The following PPP4R1 variants were observed in gnomAD, a reference collection of about 807,000 sequenced individuals.
PPP4R1 encodes the protein serine/threonine-protein phosphatase 4 regulatory subunit 1.
PPP4R1 carries 42 observed loss-of-function variants against 111.2 expected under a neutral mutation model. That is an observed-to-expected ratio of 0.38 (90% CI 0.29 to 0.49). The LOEUF (loss-of-function observed/expected upper bound fraction) is 0.49. Among genes scored for constraint, PPP4R1 ranks in the 20% least tolerant of loss-of-function variants. PPP4R1 has a pLI of 0.97. For missense variants in PPP4R1, 1,012 were observed against 1,161.6 expected (o/e 0.87, Z 1.87); for synonymous variants, 409 against 405.5 (o/e 1.01, Z -0.10).
At chr18:9,563,606 C>T in intron 11 of PPP4R1, 56 bp from the exon 12 acceptor site, 2 of 1,430,562 alleles carry the variant, frequency 1.4e-6, no homozygotes, top group African/African-American at 1.4e-5. Flanking sequence ...AATATTCTTA[C>T]AAGGCTGTTC....
At chr18:9,602,924 A>G (rs2067415799) in intron 2 of PPP4R1, among the ~76,000 whole-genome samples, 1 of 152,304 alleles carries the variant, frequency 6.6e-6, no homozygotes, top group South Asian at 2.1e-4. Flanking sequence ...TTCAAATCCC[A>G]TTTTGTCACT....
chr18:9,551,737 A>G (rs1568082176), intron 16 of PPP4R1: 2 of 152,262 alleles, frequency 1.3e-5, no homozygotes, highest in African/African-American at 4.8e-5. Context: ...AATGCTCCTT[A>G]TTCCAGGAGG....
chr18:9,564,065 A>G (rs772968252), intron 11 of PPP4R1, among the ~76,000 whole-genome samples: 2 of 152,170 alleles, frequency 1.3e-5, no homozygotes, highest in Non-Finnish European at 2.9e-5. Flanking sequence ...TGAGAATTGC[A>G]TCTTCTCCCA....
chr18:9,590,242 A>G lies in PPP4R1; in HGVS notation c.296-1389T>C, dbSNP rs144692620. On this transcript the variant is annotated intron_variant, in intron 4 of 19. Coordinates refer to ENST00000400556, the MANE Select transcript of PPP4R1 (RefSeq NM_001042388.3). The stretch of plus-strand genomic sequence containing the variant: ...ATTTCAGATATCAACAGAGAAATTA[A>G]CATACCTTTAAGTAGATAATACTGT... 3.3e-5 allele frequency: 5 copies of G among 152,348 alleles called. No individual in the cohort carries two copies. The East Asian group carries it at 9.6e-4, about 29-fold the overall frequency. 9.4% of individuals were successfully genotyped at this position (152,348 alleles called of 1,614,324 possible).
At position 9,559,416 on chromosome 18, in the gene PPP4R1, C is replaced by T; in HGVS notation, c.2028+3G>A. On this transcript the variant is annotated splice_donor_region_variant and intron_variant, in intron 14 of 19. Coordinates refer to ENST00000400556, the MANE Select transcript of PPP4R1 (RefSeq NM_001042388.3). Reference sequence around the variant, plus strand: ...CTGCTAATTCTTTAACTGCTTTACTCACCTGCATGTCTGAGGCCAGAGTCT... The same window carrying T: ...CTGCTAATTCTTTAACTGCTTTACTTACCTGCATGTCTGAGGCCAGAGTCT... 6.2e-7 allele frequency: 1 copy of T among 1,605,142 alleles called. No individual in the cohort carries two copies. Among genetic ancestry groups the T allele is most frequent in the Admixed American group, 1.7e-5 (1 of 59,154 alleles).
rs887431365 is a variant in PPP4R1 at position 9,558,223 on chromosome 18, G to A, written c.2029-841C>T. Reference sequence around the variant, plus strand: ...ATCCACTCTTGAAATAAAATTTTACGCCCAAGTTCAACATATAAGACAGAT... The same window carrying A: ...ATCCACTCTTGAAATAAAATTTTACACCCAAGTTCAACATATAAGACAGAT... On this transcript the variant is annotated intron_variant, in intron 14 of 19. Coordinates refer to ENST00000400556, the MANE Select transcript of PPP4R1 (RefSeq NM_001042388.3). Among the ~76,000 whole-genome samples, 6 of 151,914 alleles carry A rather than the reference G, an allele frequency of 3.9e-5. No homozygotes were observed. In the South Asian group the frequency reaches 6.2e-4, roughly 16 times the overall value.
intron 4 of PPP4R1, among the ~76,000 whole-genome samples, chr18:9,590,550 C>T (rs561155352): frequency 3.9e-4 from 59 of 152,226 alleles, no homozygotes; most frequent in South Asian, 6.2e-4. Context: ...TTCAAAGCCC[C>T]GCTTAGGCAA....
rs1568100469 is a variant in PPP4R1 at position 9,570,689 on chromosome 18, AT to A, written c.1047-7del. The A allele has an allele frequency of 6.6e-7, 1 of 1,522,440 alleles. No individual in the cohort carries two copies. Among genetic ancestry groups the A allele is most frequent in the Non-Finnish European group, 8.8e-7 (1 of 1,139,750 alleles). 94.3% of individuals were successfully genotyped at this position (1,522,440 alleles called of 1,614,324 possible). The stretch of plus-strand genomic sequence containing the variant: ...GGGCTTCTTGATCTCTGGTCCTTTT[AT>A]TGTTTTATTTGGTGGGAAAAAAACA... On this transcript the variant is annotated splice_polypyrimidine_tract_variant and splice_region_variant and intron_variant, in intron 10 of 19. Transcript: ENST00000400556.
At chr18:9,551,744 G>C (rs771055355) in intron 16 of PPP4R1, 3 of 152,248 alleles carry the variant, frequency 2.0e-5, no homozygotes, top group African/African-American at 7.2e-5. Flanking sequence ...CTTATTCCAG[G>C]AGGAGCTGTA....
intron 12 of PPP4R1, chr18:9,563,138 G>A: frequency 1.7e-6 from 2 of 1,191,952 alleles, no homozygotes; most frequent in Non-Finnish European, 2.1e-6. Context: ...CATTAACATT[G>A]AGTCTACTAA....
chr18:9,599,615 C>T (rs548071072), intron 2 of PPP4R1: 2 of 152,300 alleles, frequency 1.3e-5, no homozygotes, highest in South Asian at 4.1e-4. Flanking sequence ...ATTCTGTCTA[C>T]AATTCATAGC....
intron 12 of PPP4R1, 104 bp downstream of exon 12, chr18:9,563,274 A>C (rs1386678145): frequency 7.4e-6 from 10 of 1,350,918 alleles, no homozygotes; most frequent in Non-Finnish European, 8.9e-6. Flanking sequence ...ATCAGCAACA[A>C]ACAGAACATA....
At chr18:9,570,796 C>G (rs541785121) in intron 10 of PPP4R1, 113 bp from the exon 11 acceptor site, 14 of 1,151,748 alleles carry the variant, frequency 1.2e-5, no homozygotes, top group African/African-American at 1.6e-5. Flanking sequence ...TTAAAAATTA[C>G]GGATTATCTG....
chr18:9,577,126 T>C lies in PPP4R1; in HGVS notation c.984A>G (p.Ser328=). The change falls in exon 10 of 20, where the codon TCA becomes TCG. Residue 328 remains serine, a synonymous_variant. Transcript: ENST00000400556. ...FISTFANPSS[S]GQYFKEESKS... ...TGCTTTCTTCTTTAAAATACTGGCC[T>C]GAGCTAGATGGATTAGCAAAAGTAG... 1 of 1,605,306 alleles carries C rather than the reference T, an allele frequency of 6.2e-7. No individual in the cohort carries two copies. Among genetic ancestry groups the C allele is most frequent in the Non-Finnish European group, 8.5e-7 (1 of 1,173,916 alleles).
At chr18:9,561,592 C>CAT (rs2066678670) in intron 13 of PPP4R1, among the ~76,000 whole-genome samples, 1 of 152,148 alleles carries the variant, frequency 6.6e-6, no homozygotes. Context: ...TTCATATTTT[C>CAT]ATCTCTGAAA....
At chr18:9,565,577 C>T (rs935189398) in intron 11 of PPP4R1, among the ~76,000 whole-genome samples, 3 of 152,178 alleles carry the variant, frequency 2.0e-5, no homozygotes, top group African/African-American at 7.2e-5. Flanking sequence ...AGTGAACACA[C>T]AAAGAAGAAG....
chr18:9,578,838 A>G (rs1279719177), intron 9 of PPP4R1, among the ~76,000 whole-genome samples: 1 of 152,188 alleles, frequency 6.6e-6, no homozygotes, highest in Non-Finnish European at 1.5e-5. Context: ...TACTTCCATA[A>G]AAGGATAAAA....
chr18:9,614,235 C>G lies in PPP4R1; in HGVS notation c.43G>C (p.Ala15Pro). ...AGGCCGGGCCACTCACATCCGTCTG[C>G]GTCCTCCTGCAGGTCCTCCTGAAGC... is the stretch of plus-strand genomic sequence containing the variant. Reference protein sequence around the residue: ...SLLQEDLQEDADGFGVDDYSS... With the variant: ...SLLQEDLQEDPDGFGVDDYSS... Residue 15 changes from alanine (A) to proline (P), a missense_variant, in exon 2 of 20, where the codon GCA becomes CCA. Around this residue, in one of 2 missense-constraint regions of PPP4R1, gnomAD observed 707 missense variants for 742.1 expected, o/e 0.95. Coordinates refer to ENST00000400556, the MANE Select transcript of PPP4R1 (RefSeq NM_001042388.3). This position sits in a 1 kb window ranked among gnomAD's most constrained non-coding sequence, Gnocchi z 4.1. 1 of 1,365,304 alleles carries G rather than the reference C, an allele frequency of 7.3e-7. No homozygotes were observed. The highest frequency in any genetic ancestry group is 3.4e-5 in the East Asian group (1 of 29,666). 84.6% of individuals were successfully genotyped at this position (1,365,304 alleles called of 1,614,324 possible).
chr18:9,610,735 A>C (rs2067564397), intron 2 of PPP4R1, among the ~76,000 whole-genome samples: 1 of 152,200 alleles, frequency 6.6e-6, no homozygotes, highest in Non-Finnish European at 1.5e-5. Context: ...CTGGGATTAC[A>C]GGCATGAGCC....
Sources: allele counts gnomAD v4.1 joint callset (sites outside exome capture counted in the v4.1 genomes callset), GRCh38; gene constraint gnomAD v4.1.1; regional missense constraint gnomAD v4.1.1; non-coding constraint Gnocchi (gnomAD v3.1); transcripts MANE v1.5; gene names NCBI Gene and HGNC (gene_info 2026-07-23, HGNC 2026-07-21).